MAML3: variants seen among roughly 807,000 people sequenced by gnomAD.
The protein encoded by MAML3 is mastermind-like protein 3.
A neutral mutation model predicts 101.9 loss-of-function variants in MAML3; 27 were observed. The observed-to-expected ratio is 0.27, with a 90% CI of 0.20 to 0.37. The LOEUF (loss-of-function observed/expected upper bound fraction) is 0.37. Ranked by LOEUF, MAML3 falls within the 10% of genes least tolerant of loss-of-function variation. The pLI is 1.00. For missense variants in MAML3, 1,316 were observed against 1,444.9 expected (o/e 0.91, Z 1.45); for synonymous variants, 501 against 555.9 (o/e 0.90, Z 1.39).
At chr4:139,776,823 G>A (rs999458437) in intron 2 of MAML3, among the ~76,000 whole-genome samples, 1 of 152,096 alleles carries the variant, frequency 6.6e-6, no homozygotes, top group Admixed American at 6.6e-5. Context: ...TGTTTTACTG[G>A]CGTGACACTG....
intron 2 of MAML3, among the ~76,000 whole-genome samples, chr4:139,809,491 G>T (rs1022716515): frequency 2.0e-5 from 3 of 152,106 alleles, no homozygotes; most frequent in African/African-American, 7.2e-5. Flanking sequence ...GAAAACAAAG[G>T]CCCCTTCCAA....
At chr4:140,089,131 A>C (rs148080085) in intron 1 of MAML3, among the ~76,000 whole-genome samples, 1 of 152,370 alleles carries the variant, frequency 6.6e-6, no homozygotes, top group East Asian at 1.9e-4. Flanking sequence ...CTCTATTATC[A>C]TATCATACCT....
At chr4:140,113,227 C>A (rs921385207) in intron 1 of MAML3, among the ~76,000 whole-genome samples, 15 of 151,710 alleles carry the variant, frequency 9.9e-5, no homozygotes, top group Non-Finnish European at 2.2e-4. Flanking sequence ...TGCAGTGAGC[C>A]GAGACAGGGC....
intron 2 of MAML3, among the ~76,000 whole-genome samples, chr4:139,845,592 A>C (rs1381438217): frequency 1.3e-5 from 2 of 152,234 alleles, no homozygotes; most frequent in Non-Finnish European, 2.9e-5. Context: ...GATTGAGATC[A>C]AGACAAAGCA....
At chr4:139,994,890 C>T (rs1734775084) in intron 1 of MAML3, among the ~76,000 whole-genome samples, 1 of 151,568 alleles carries the variant, frequency 6.6e-6, no homozygotes, top group South Asian at 2.1e-4. Flanking sequence ...TTTATTTTTG[C>T]CTTATTGCAT....
intron 2 of MAML3, among the ~76,000 whole-genome samples, chr4:139,801,517 T>C (rs1350138347): frequency 6.6e-6 from 1 of 152,140 alleles, no homozygotes; most frequent in Non-Finnish European, 1.5e-5. Context: ...CAGTGGACTT[T>C]TTCCGTCAAA....
At chr4:140,150,915 T>TGTC (rs1729150208) in intron 1 of MAML3, among the ~76,000 whole-genome samples, 1 of 151,924 alleles carries the variant, frequency 6.6e-6, no homozygotes, top group Non-Finnish European at 1.5e-5. Flanking sequence ...CGACTCGAAC[T>TGTC]GTCGTTCTTC....
intron 1 of MAML3, among the ~76,000 whole-genome samples, chr4:140,084,818 C>T (rs921316586): frequency 5.9e-5 from 9 of 152,148 alleles, no homozygotes; most frequent in African/African-American, 2.2e-4. Context: ...GACTTGAACA[C>T]ATTGTGTTCA....
At chr4:139,837,707 G>A (rs28546210) in intron 2 of MAML3, among the ~76,000 whole-genome samples, 5,215 of 152,136 alleles carry the variant, frequency 0.034, 95 homozygotes, top group Middle Eastern at 0.065. Flanking sequence ...ATCACCTGAG[G>A]TCAGGAGTTC....
chr4:139,907,441 T>A (rs930767763), intron 1 of MAML3, among the ~76,000 whole-genome samples: 3 of 152,204 alleles, frequency 2.0e-5, no homozygotes, highest in Admixed American at 6.5e-5. Flanking sequence ...GATCCTTATT[T>A]TACATCAGAG....
chr4:139,801,715 CAT>C (rs1017016225), intron 2 of MAML3, among the ~76,000 whole-genome samples: 17 of 150,156 alleles, frequency 1.1e-4, no homozygotes, highest in Non-Finnish European at 2.5e-4. Context: ...TGGGCAGGCA[CAT>C]GTGTCTGTTC....
chr4:140,000,676 T>C lies in MAML3; in HGVS notation c.469-109709A>G, dbSNP rs184306935. 6.0e-4 allele frequency among the ~76,000 whole-genome samples: 91 copies of C among 152,250 alleles called. 1 individual carries two copies. Among genetic ancestry groups the C allele is most frequent in the African/African-American group, 2.0e-3 (85 of 41,538 alleles). On this transcript the variant is annotated intron_variant, in intron 1 of 4. Coordinates refer to ENST00000509479, the MANE Select transcript of MAML3 (RefSeq NM_018717.5). ...TGGCGGTGGGGAACGGGACAAAGAT[T>C]GGCTCAATGATCTAGCTGTGTTAAT...
chr4:139,931,472 A>G (rs1476922540), intron 1 of MAML3, among the ~76,000 whole-genome samples: 1 of 152,156 alleles, frequency 6.6e-6, no homozygotes, highest in Non-Finnish European at 1.5e-5. Context: ...ACTCCATGTT[A>G]TTTTAGGTAA....
intron 1 of MAML3, among the ~76,000 whole-genome samples, chr4:139,960,901 T>C (rs1386758834): frequency 1.3e-5 from 2 of 152,178 alleles, no homozygotes; most frequent in African/African-American, 4.8e-5. Context: ...CAAGTCCTTT[T>C]CCTCAAGTCT....
At chr4:139,874,325 T>G (rs1056881139) in intron 2 of MAML3, among the ~76,000 whole-genome samples, 8 of 152,028 alleles carry the variant, frequency 5.3e-5, no homozygotes, top group Non-Finnish European at 4.4e-5. Flanking sequence ...ATATGAAAAA[T>G]AAATAGTTTT....
intron 1 of MAML3, among the ~76,000 whole-genome samples, chr4:140,018,648 T>A (rs1373336053): frequency 3.3e-5 from 5 of 152,208 alleles, no homozygotes; most frequent in Non-Finnish European, 5.9e-5. Flanking sequence ...TTTTTGGAAG[T>A]CTATTATCAG....
At chr4:140,123,389 A>G (rs77558133) in intron 1 of MAML3, among the ~76,000 whole-genome samples, 3,661 of 152,310 alleles carry the variant, frequency 0.024, 150 homozygotes, top group African/African-American at 0.083. Flanking sequence ...AGTACATGTC[A>G]CTACTGAATA....
At chr4:139,734,308 C>T (rs1728841173) in intron 2 of MAML3, among the ~76,000 whole-genome samples, 2 of 152,214 alleles carry the variant, frequency 1.3e-5, no homozygotes, top group Non-Finnish European at 2.9e-5. Context: ...GAAAACCAGG[C>T]TGAGCTTTCG....
intron 2 of MAML3, among the ~76,000 whole-genome samples, chr4:139,841,219 G>A (rs974750687): frequency 6.6e-6 from 1 of 152,162 alleles, no homozygotes; most frequent in Non-Finnish European, 1.5e-5. Flanking sequence ...TTGCTGCTGT[G>A]CAAGAAAAAC....
Sources: allele counts gnomAD v4.1 joint callset (sites outside exome capture counted in the v4.1 genomes callset), GRCh38; gene constraint gnomAD v4.1.1; transcripts MANE v1.5; gene names NCBI Gene and HGNC (gene_info 2026-07-23, HGNC 2026-07-21).